The following SYTL2 variants were observed in gnomAD, a reference collection of about 807,000 sequenced individuals.
SYTL2 encodes the protein synaptotagmin-like protein 2.
In SYTL2, 165 loss-of-function variants were observed where a neutral mutation model predicts 198.7. The ratio of observed to expected loss-of-function variants is 0.83; its 90% CI spans 0.73 to 0.94. The LOEUF is 0.94. Ranked by LOEUF, SYTL2 falls within the 40% of genes least tolerant of loss-of-function variation. The probability of loss-of-function intolerance (pLI) is 0.00; values close to 1 mark genes in which losing one functional copy is unlikely to be tolerated. For missense variants in SYTL2, 2,835 were observed against 2,582.8 expected, an observed-to-expected ratio of 1.10 and a Z score of -2.12; for synonymous variants, 966 against 917.7, an observed-to-expected ratio of 1.05 and a Z score of -0.95.
chr11:85,789,754 A>C (rs1264120230), intron 1 of SYTL2, among the ~76,000 whole-genome samples: 1 of 152,084 alleles, frequency 6.6e-6, no homozygotes, highest in Non-Finnish European at 1.5e-5. Context: ...AAGGGATGTA[A>C]ACCCAGGATC....
At chr11:85,851,613 T>C in the SYTL2 span, among the ~76,000 whole-genome samples, 1 of 152,226 alleles carries the variant, frequency 6.6e-6, no homozygotes, top group East Asian at 1.9e-4. Context: ...GGTTTTTATC[T>C]GGCTTCACAC....
At chr11:85,749,361 A>G (rs1330072047) in intron 2 of SYTL2, among the ~76,000 whole-genome samples, 1 of 152,232 alleles carries the variant, frequency 6.6e-6, no homozygotes, top group Non-Finnish European at 1.5e-5. Flanking sequence ...CATAAATCCA[A>G]GAGGGTTTTA....
intron 1 of SYTL2, among the ~76,000 whole-genome samples, chr11:85,776,875 A>C (rs1355460116): frequency 1.3e-5 from 2 of 152,196 alleles, no homozygotes; most frequent in Non-Finnish European, 2.9e-5. Context: ...TCTTTATAGC[A>C]ACACAAAATG....
intron 8 of SYTL2, among the ~76,000 whole-genome samples, chr11:85,723,285 T>C (rs1230318870): frequency 6.6e-6 from 1 of 152,180 alleles, no homozygotes; most frequent in Admixed American, 6.5e-5. Flanking sequence ...GCCAGAGAAA[T>C]GTACCTGGCC....
intron 7 of SYTL2, among the ~76,000 whole-genome samples, chr11:85,730,143 C>T (rs1244053977): frequency 1.3e-5 from 2 of 152,132 alleles, no homozygotes; most frequent in Non-Finnish European, 2.9e-5. Flanking sequence ...GATGGATTCA[C>T]AGCCGAATTC....
chr11:85,769,010 A>G (rs566636365), intron 1 of SYTL2, among the ~76,000 whole-genome samples: 3 of 152,312 alleles, frequency 2.0e-5, no homozygotes, highest in Admixed American at 6.5e-5. Context: ...TTTATTGAGT[A>G]AATGAAGAAG....
At chr11:85,839,874 T>C in the SYTL2 span, among the ~76,000 whole-genome samples, 1 of 152,222 alleles carries the variant, frequency 6.6e-6, no homozygotes, top group South Asian at 2.1e-4. Context: ...TTCTCCATAG[T>C]GGTTGTACTA....
the SYTL2 span, chr11:85,854,605 A>G: frequency 1.3e-5 from 2 of 152,268 alleles, no homozygotes; most frequent in African/African-American, 4.8e-5. Flanking sequence ...ATTAAGAGCT[A>G]AAACCAAAGA....
chr11:85,703,121 A>C (rs2084598378), intron 16 of SYTL2, among the ~76,000 whole-genome samples: 1 of 152,178 alleles, frequency 6.6e-6, no homozygotes. Flanking sequence ...TACAGAAAAG[A>C]CCATAAGAGA....
chr11:85,845,761 C>A, the SYTL2 span, among the ~76,000 whole-genome samples: 169 of 151,944 alleles, frequency 1.1e-3, no homozygotes, highest in South Asian at 6.9e-3. Flanking sequence ...CACACACACA[C>A]AAAAATTAGC....
chr11:85,787,858 T>C (rs758256814), intron 1 of SYTL2, among the ~76,000 whole-genome samples: 14 of 152,072 alleles, frequency 9.2e-5, no homozygotes, highest in Non-Finnish European at 1.5e-4. Context: ...GTTTATTTTC[T>C]CTGCTGTGAA....
At chr11:85,800,821 C>T (rs1219687751) in intron 1 of SYTL2, among the ~76,000 whole-genome samples, 2 of 152,212 alleles carry the variant, frequency 1.3e-5, no homozygotes, top group South Asian at 2.1e-4. Flanking sequence ...CTCCTCCACA[C>T]CCTTGGCTCC....
intron 1 of SYTL2, among the ~76,000 whole-genome samples, chr11:85,783,270 A>T (rs1213805550): frequency 1.3e-5 from 2 of 152,138 alleles, no homozygotes; most frequent in African/African-American, 4.8e-5. Context: ...AAAAGGGGGA[A>T]AGCCCCTTAT....
intron 1 of SYTL2, among the ~76,000 whole-genome samples, chr11:85,776,584 C>T (rs962032233): frequency 1.3e-5 from 2 of 152,140 alleles, no homozygotes; most frequent in African/African-American, 4.8e-5. Context: ...TGAACTCATC[C>T]CTTTTTTGTG....
chr11:85,793,689 A>G (rs1256543885), intron 1 of SYTL2, among the ~76,000 whole-genome samples: 1 of 152,196 alleles, frequency 6.6e-6, no homozygotes, highest in African/African-American at 2.4e-5. Flanking sequence ...CTGTCATGGA[A>G]ATTGTTCCAA....
In SYTL2 at chr11:85,766,212, G is replaced by A. The variant is rs369284267; in HGVS notation, c.-389-8098C>T. 3.9e-5 allele frequency among the ~76,000 whole-genome samples: 6 copies of A among 152,166 alleles called. No individual in the cohort carries two copies. The South Asian group carries it at 1.2e-3, about 32-fold the overall frequency. ...ACCCCAAGAGGCCTAAAGTGTCAAG[G>A]GGGGGAGTTTGAACCTGAATTTTTC... On this transcript the variant is annotated intron_variant, in intron 1 of 19. Coordinates refer to ENST00000359152, the MANE Select transcript of SYTL2 (RefSeq NM_206927.4).
intron 1 of SYTL2, among the ~76,000 whole-genome samples, chr11:85,769,413 T>C (rs1255100410): frequency 6.6e-6 from 1 of 152,160 alleles, no homozygotes; most frequent in Non-Finnish European, 1.5e-5. Flanking sequence ...AGCCAAGGAA[T>C]GCAGGCAGCC....
At chr11:85,852,374 C>T in the SYTL2 span, among the ~76,000 whole-genome samples, 5 of 151,938 alleles carry the variant, frequency 3.3e-5, no homozygotes, top group African/African-American at 1.2e-4. Flanking sequence ...CTCTCCCTCT[C>T]CCCACGGTCT....
Position 85,696,182 on chromosome 11 carries a change from C to A in SYTL2, c.6574+1G>T. ...AGAATTAAAAATGTAGCAAACAGTA[C>A]CTGTTCCAAAGCCAATACGAAGACC... On this transcript the variant is annotated splice_donor_variant, in intron 19 of 19. Transcript: ENST00000359152. LOFTEE classifies it high-confidence loss of function. 1 of 1,613,792 alleles carries A rather than the reference C, an allele frequency of 6.2e-7. No individual in the cohort carries two copies. The highest frequency in any genetic ancestry group is 8.5e-7 in the Non-Finnish European group (1 of 1,179,734).
Sources: allele counts gnomAD v4.1 joint callset (sites outside exome capture counted in the v4.1 genomes callset), GRCh38; gene constraint gnomAD v4.1.1; transcripts MANE v1.5; gene names NCBI Gene and HGNC (gene_info 2026-07-23, HGNC 2026-07-21).